The following PPM1D variants were observed in gnomAD, a reference collection of about 807,000 sequenced individuals.
PPM1D encodes the protein protein phosphatase, Mg2+/Mn2+ dependent 1D, also known as protein phosphatase 1D.
In PPM1D, 52 loss-of-function variants were observed where a neutral mutation model predicts 58.3. The observed-to-expected ratio is 0.89, with a 90% confidence interval of 0.71 to 1.12. The LOEUF (loss-of-function observed/expected upper bound fraction) is 1.12, where lower values mean the gene tolerates loss of function less well. Ranked by LOEUF, PPM1D falls within the 50% of genes most tolerant of loss-of-function variation. The probability of loss-of-function intolerance (pLI) is 0.00; values close to 1 mark genes in which losing one functional copy is unlikely to be tolerated. For synonymous variants in PPM1D, 278 were observed against 285.1 expected (o/e 0.98, Z 0.25); for missense variants, 564 against 777.2 (o/e 0.73, Z 3.26).
chr17:60,630,709 C>G (rs1202963713), intron 2 of PPM1D, among the ~76,000 whole-genome samples: 1 of 152,118 alleles, frequency 6.6e-6, no homozygotes, highest in African/African-American at 2.4e-5. Flanking sequence ...CTTTTTGTTT[C>G]TCAGAAACAC....
At chr17:60,625,758 C>G (rs2030793468) in intron 2 of PPM1D, among the ~76,000 whole-genome samples, 1 of 152,060 alleles carries the variant, frequency 6.6e-6, no homozygotes, top group South Asian at 2.1e-4. Context: ...AATTATATTT[C>G]TGGTGTTAGC....
chr17:60,606,189 A>C (rs1199171551), intron 1 of PPM1D, among the ~76,000 whole-genome samples: 5 of 152,120 alleles, frequency 3.3e-5, no homozygotes, highest in Admixed American at 2.0e-4. Flanking sequence ...TTTACTTAGC[A>C]TGTCTTTAGA....
intron 1 of PPM1D, among the ~76,000 whole-genome samples, chr17:60,608,724 AT>A (rs542791380): frequency 6.6e-6 from 1 of 150,940 alleles, no homozygotes; most frequent in African/African-American, 2.4e-5. Context: ...CATCCTCACT[AT>A]TTTTTTTATA....
rs137869605 is a variant in PPM1D, at chr17:60,620,517, T to G, written c.473-3004T>G. Among the ~76,000 whole-genome samples the G allele has an allele frequency of 2.0e-4, 30 of 151,866 alleles. No individual in the cohort carries two copies. In the East Asian group the frequency reaches 3.7e-3, roughly 19 times the overall value. ...CTGTTTTTTTCTGCTTTTGTTGCTG[T>G]TTTTTTTGTTTGTTTGTTTGTTTTT... is the stretch of plus-strand genomic sequence containing the variant. On this transcript the variant is annotated intron_variant, in intron 1 of 5. Transcript: ENST00000305921.
chr17:60,635,495 G>A (rs962314701), intron 3 of PPM1D, among the ~76,000 whole-genome samples: 6 of 152,156 alleles, frequency 3.9e-5, no homozygotes, highest in Admixed American at 6.5e-5. Context: ...GATTACAGGC[G>A]TGAGCCACTG....
At chr17:60,645,512 GTA>G (rs543935194) in intron 3 of PPM1D, among the ~76,000 whole-genome samples, 2,820 of 130,968 alleles carry the variant, frequency 0.022, 37 homozygotes, top group Non-Finnish European at 0.027. Flanking sequence ...ATATATATGT[GTA>G]TATATATGTA....
intron 3 of PPM1D, among the ~76,000 whole-genome samples, chr17:60,644,785 C>T (rs144770636): frequency 2.7e-4 from 41 of 152,304 alleles, no homozygotes; most frequent in African/African-American, 9.6e-4. Context: ...TTAGCATACA[C>T]AGTCTATCAT....
chr17:60,648,342 T>C (rs1267122202), intron 4 of PPM1D, among the ~76,000 whole-genome samples: 1 of 152,044 alleles, frequency 6.6e-6, no homozygotes, highest in Non-Finnish European at 1.5e-5. Flanking sequence ...GCTAATTCCT[T>C]ATTTTTTTAA....
chr17:60,603,075 C>T (rs555942440), intron 1 of PPM1D, among the ~76,000 whole-genome samples: 1 of 152,152 alleles, frequency 6.6e-6, no homozygotes, highest in Non-Finnish European at 1.5e-5. Context: ...CCCTGCCCCC[C>T]CAACAAGGAA....
At chr17:60,653,875 C>T (rs2031387116) in intron 4 of PPM1D, among the ~76,000 whole-genome samples, 2 of 152,056 alleles carry the variant, frequency 1.3e-5, no homozygotes, top group South Asian at 2.1e-4. Context: ...TTTGTATGTT[C>T]ATCTTGTATC....
intron 1 of PPM1D, among the ~76,000 whole-genome samples, chr17:60,605,743 A>C (rs2030316105): frequency 6.6e-6 from 1 of 152,172 alleles, no homozygotes; most frequent in Admixed American, 6.5e-5. Context: ...TCTCTATTAA[A>C]AATACAAAAA....
intron 3 of PPM1D, among the ~76,000 whole-genome samples, chr17:60,637,452 C>G (rs1324254594): frequency 6.6e-6 from 1 of 152,068 alleles, no homozygotes. Flanking sequence ...GGAGTTGCCA[C>G]TAAGTGATAA....
chr17:60,605,890 G>A (rs957087038), intron 1 of PPM1D, among the ~76,000 whole-genome samples: 22 of 152,152 alleles, frequency 1.4e-4, no homozygotes, highest in African/African-American at 4.1e-4. Flanking sequence ...GGGAGAAGAC[G>A]CGAGACTCTG....
chr17:60,615,333 C>A (rs186201688), intron 1 of PPM1D, among the ~76,000 whole-genome samples: 2 of 152,078 alleles, frequency 1.3e-5, no homozygotes, highest in Non-Finnish European at 2.9e-5. Context: ...TCGCTTGAGC[C>A]GAGGAGGCAG....
intron 5 of PPM1D, 85 bp downstream of exon 5, chr17:60,656,926 T>C (rs1353002697): frequency 6.2e-7 from 1 of 1,603,086 alleles, no homozygotes; most frequent in Non-Finnish European, 8.5e-7. Flanking sequence ...TTTTAAATTC[T>C]TACAGGATTT....
chr17:60,633,249 T>A (rs1477689119), intron 2 of PPM1D, among the ~76,000 whole-genome samples: 1 of 152,150 alleles, frequency 6.6e-6, no homozygotes, highest in African/African-American at 2.4e-5. Context: ...CACACCATTG[T>A]GCTCCAGCTT....
intron 4 of PPM1D, among the ~76,000 whole-genome samples, chr17:60,654,687 C>A (rs1264338239): frequency 6.6e-6 from 1 of 151,336 alleles, no homozygotes; most frequent in Non-Finnish European, 1.5e-5. Context: ...CGTGGTGAAA[C>A]CCCGTCTCTA....
rs1204173707 is a variant in PPM1D, at chr17:60,636,600, TAAGTA to T, written c.826+2627_826+2631del. Reference sequence around the variant, plus strand: ...GCTAAGATGATATGTCAGTAAAGTGTAAGTAAAGAGATGAGGCAGTGAGACCTGTG... The same window carrying T: ...GCTAAGATGATATGTCAGTAAAGTGTAAGAGATGAGGCAGTGAGACCTGTG... On this transcript the variant is annotated intron_variant, in intron 3 of 5. Transcript: ENST00000305921. Among the ~76,000 whole-genome samples the T allele has an allele frequency of 2.0e-5, 3 of 152,152 alleles. No homozygotes were observed. In the East Asian group the frequency reaches 5.8e-4, roughly 29 times the overall value.
At chr17:60,619,806 T>C (rs1195373121) in intron 1 of PPM1D, among the ~76,000 whole-genome samples, 2 of 152,082 alleles carry the variant, frequency 1.3e-5, no homozygotes, top group African/African-American at 4.8e-5. Context: ...CGTTATGTTG[T>C]CTATGCTGGT....
Sources: gnomAD v4.1 joint callset for allele counts (sites outside exome capture counted in the v4.1 genomes callset) on GRCh38, gnomAD v4.1.1 for gene constraint, MANE v1.5 for transcripts, NCBI Gene and HGNC (gene_info 2026-07-23, HGNC 2026-07-21) for gene names.